The following CERCAM variants were observed in gnomAD, a reference collection of about 807,000 sequenced individuals.
CERCAM encodes inactive glycosyltransferase 25 family member 3.
CERCAM carries 59 observed loss-of-function variants against 66.0 expected under a neutral mutation model. The observed-to-expected ratio is 0.89, with a 90% CI of 0.73 to 1.11. The LOEUF is 1.11. Among genes scored for constraint, CERCAM ranks in the 50% most tolerant of loss-of-function variants. CERCAM has a pLI of 0.00. For missense variants in CERCAM, 840 were observed against 828.3 expected (o/e 1.01, Z -0.17); for synonymous variants, 318 against 343.6 (o/e 0.93, Z 0.83).
rs766748472 is a variant in CERCAM at position 128,428,843 on chromosome 9, C to G, written c.963+10C>G. 1.9e-6 allele frequency: 3 copies of G among 1,613,770 alleles called. No homozygotes were observed. Among genetic ancestry groups the G allele is most frequent in the Admixed American group, 1.7e-5 (1 of 59,984 alleles). ...GATAGGGTTTGACGAGGTAAGTCCC[C>G]CAGCCTGTGGGCTCGCTGTTAGGAG... On this transcript the variant is annotated intron_variant, in intron 7 of 12. Transcript: ENST00000372838.
At position 128,424,261 on chromosome 9, in the gene CERCAM, AT is replaced by A; in HGVS notation, c.551del (p.Ile184ThrfsTer87). ...CTACTACTCCAACTTCTGGTGTGGG[AT>A]CACCCCCCAGGTGAGGCCGGGATGG... ...QTYYSNFWCGITPQGYYRRTA... is the reference protein window; with the variant it reads ...QTYYSNFWCGXTPQGYYRRTA... On this transcript the variant is annotated frameshift_variant, in exon 4 of 13. Coordinates refer to ENST00000372838, the MANE Select transcript of CERCAM (RefSeq NM_016174.5). LOFTEE classifies it high-confidence loss of function. 6.2e-7 allele frequency: 1 copy of A among 1,613,956 alleles called. No individual in the cohort carries two copies. The highest frequency in any genetic ancestry group is 2.2e-5 in the East Asian group (1 of 44,862).
Position 128,422,972 on chromosome 9 carries a change from A to G in CERCAM, c.302A>G (p.Glu101Gly). The G allele has an allele frequency of 6.2e-7, 1 of 1,613,702 alleles. No individual in the cohort carries two copies. The highest frequency in any genetic ancestry group is 8.5e-7 in the Non-Finnish European group (1 of 1,180,006). The change falls in exon 2 of 13, where the codon GAG becomes GGG. Residue 101 changes from glutamate to glycine, a missense_variant. By Grantham distance (98) the Glu-to-Gly change is moderately conservative. Transcript: ENST00000372838. ...YAAVVWRPEG[E>G]PRFYPDEEGP... ...GCTGTGGTCTGGAGGCCTGAGGGCGAGCCCAGGTGGTGATCTGAGGGGAAG... is the reference window on the plus strand; with the variant it reads ...GCTGTGGTCTGGAGGCCTGAGGGCGGGCCCAGGTGGTGATCTGAGGGGAAG...
At chr9:128,430,277 C>T (rs778183878) in intron 8 of CERCAM, among the ~76,000 whole-genome samples, 7 of 152,140 alleles carry the variant, frequency 4.6e-5, no homozygotes, top group Non-Finnish European at 7.3e-5. Flanking sequence ...TAGTGGGTGC[C>T]TGTAATCTCA....
In CERCAM at chr9:128,434,117, C is replaced by A; in HGVS notation, c.1219C>A (p.Leu407Met). The change falls in exon 10 of 13, where the codon CTG (leucine) becomes ATG (methionine). Residue 407 changes from leucine (L) to methionine (M), a missense_variant. Physicochemically the swap from Leu to Met is conservative, Grantham distance 15. Transcript: ENST00000372838. The surrounding 1 kb of genome is among the most constrained non-coding windows in gnomAD (Gnocchi z 4.5). ...TATGCCACAGGTGGTTGCCAGGGGC[C>A]TGGCCCGGGTCCTGGTGTTTGAGGA... ...SIWEEVVARG[L>M]ARVLVFEDDV... The A allele has an allele frequency of 6.2e-7, 1 of 1,614,138 alleles. No homozygotes were observed. The highest frequency in any genetic ancestry group is 8.5e-7 in the Non-Finnish European group (1 of 1,180,020).
chr9:128,421,152 G>A (rs1833700825), intron 1 of CERCAM, 78 bp downstream of exon 1: 24 of 1,258,494 alleles, frequency 1.9e-5, no homozygotes, highest in Non-Finnish European at 2.4e-5. Context: ...CGGCGGCCCT[G>A]TCTGCTCGCT....
chr9:128,424,336 G>A, intron 4 of CERCAM, 64 bp downstream of exon 4: 1 of 1,612,070 alleles, frequency 6.2e-7, no homozygotes, highest in Non-Finnish European at 8.5e-7. Context: ...GGAGAGCAGA[G>A]AGCCTGAGGC....
At chr9:128,428,489 C>CAGGG in intron 6 of CERCAM, 68 bp downstream of exon 6, 1 of 1,583,782 alleles carries the variant, frequency 6.3e-7, no homozygotes, top group Non-Finnish European at 8.6e-7. Context: ...GTGCCCCTTT[C>CAGGG]CCTAGGCCCT....
chr9:128,425,049 TTTGTTG>T (rs767922006), intron 5 of CERCAM, among the ~76,000 whole-genome samples: 2 of 141,704 alleles, frequency 1.4e-5, no homozygotes, highest in Non-Finnish European at 3.1e-5. Context: ...TGAAAGGTTT[TTTGTTG>T]TTGTTGTTGT....
chr9:128,429,039 G>A lies in CERCAM; in HGVS notation c.1070+3G>A, dbSNP rs574117288. On this transcript the variant is annotated splice_donor_region_variant and intron_variant, in intron 8 of 12. Coordinates refer to ENST00000372838, the MANE Select transcript of CERCAM (RefSeq NM_016174.5). Reference sequence around the variant, plus strand: ...GTGGTGGACGCTGTGGATGGCTGGTGAGCCTGCCTGGTGGGGGGGGCCCTG... The same window carrying A: ...GTGGTGGACGCTGTGGATGGCTGGTAAGCCTGCCTGGTGGGGGGGGCCCTG... 1.2e-4 allele frequency: 184 copies of A among 1,593,704 alleles called. 5 individuals carry two copies. In the South Asian group the frequency reaches 2.0e-3, roughly 18 times the overall value.
At chr9:128,425,711 G>A (rs1479189050) in intron 5 of CERCAM, among the ~76,000 whole-genome samples, 2 of 151,010 alleles carry the variant, frequency 1.3e-5, no homozygotes, top group African/African-American at 2.4e-5. Flanking sequence ...GGGTTTCTCC[G>A]TGTTGGTCAG....
At chr9:128,423,944 C>G in intron 3 of CERCAM, 194 bp from the exon 4 acceptor site, 1 of 631,836 alleles carries the variant, frequency 1.6e-6, no homozygotes, top group Admixed American at 2.9e-5. Context: ...AATCTCTGGA[C>G]CCAGTCCCTG....
At position 128,420,889 on chromosome 9, in the gene CERCAM, CCGCGCCGCGCCGCTGCT is replaced by C; in HGVS notation, c.14_30del (p.Arg5ProfsTer80). The stretch of plus-strand genomic sequence containing the variant: ...CCCAAGCGCCCGCCATGCGCGCTGC[CCGCGCCGCGCCGCTGCT>C]CCAGCTGCTGCTCCTGCTGGGGCCG... On this transcript the variant is annotated frameshift_variant, in exon 1 of 13. Transcript: ENST00000372838. LOFTEE classifies it high-confidence loss of function. This position sits in a 1 kb window ranked among gnomAD's most constrained non-coding sequence, Gnocchi z 5.0. The C allele has an allele frequency of 7.7e-7, 1 of 1,306,312 alleles. No individual in the cohort carries two copies. Among genetic ancestry groups the C allele is most frequent in the Non-Finnish European group, 9.7e-7 (1 of 1,030,014 alleles). 80.9% of individuals were successfully genotyped at this position (1,306,312 alleles called of 1,614,324 possible).
chr9:128,420,955 G>A lies in CERCAM; in HGVS notation c.78G>A (p.Ala26=). 2.1e-6 allele frequency: 3 copies of A among 1,462,150 alleles called. No individual in the cohort carries two copies. Among genetic ancestry groups the A allele is most frequent in the South Asian group, 2.6e-5 (2 of 75,964 alleles). 90.6% of individuals were successfully genotyped at this position (1,462,150 alleles called of 1,614,324 possible). ...CGTGGCTGGAGGCTGCGGGCGTTGCGGAGTCGCCGCTGCCCGCCGTGGTCC... is the reference window on the plus strand; with the variant it reads ...CGTGGCTGGAGGCTGCGGGCGTTGCAGAGTCGCCGCTGCCCGCCGTGGTCC... ...LGPWLEAAGV[A]ESPLPAVVLA... Residue 26 remains alanine, a synonymous_variant, in exon 1 of 13, where the codon GCG becomes GCA. Coordinates refer to ENST00000372838, the MANE Select transcript of CERCAM (RefSeq NM_016174.5). This position sits in a 1 kb window ranked among gnomAD's most constrained non-coding sequence, Gnocchi z 5.0.
At chr9:128,424,865 G>A (rs1833805347) in intron 5 of CERCAM, among the ~76,000 whole-genome samples, 1 of 150,770 alleles carries the variant, frequency 6.6e-6, no homozygotes, top group South Asian at 2.1e-4. Flanking sequence ...GGGATTACAG[G>A]CACCCGCCAC....
chr9:128,428,714 G>A (rs747718304), intron 6 of CERCAM, 43 bp from the exon 7 acceptor site: 4 of 1,600,030 alleles, frequency 2.5e-6, no homozygotes, highest in Non-Finnish European at 2.6e-6. Flanking sequence ...CTGCTAACAG[G>A]AGTCAGTAGG....
chr9:128,423,255 T>C lies in CERCAM; in HGVS notation c.418T>C (p.Tyr140His), dbSNP rs1375399962. 4 of 1,613,088 alleles carry C rather than the reference T, an allele frequency of 2.5e-6. No homozygotes were observed. The South Asian group carries it at 4.4e-5, about 18-fold the overall frequency. ...CTTTGCCAGGAACTGGGGGGCCGACTATATCCTGGTGAGGAAGTCTGGCTA... is the reference window on the plus strand; with the variant it reads ...CTTTGCCAGGAACTGGGGGGCCGACCATATCCTGGTGAGGAAGTCTGGCTA... Reference protein sequence around the residue: ...LTFARNWGADYILFADTDNIL... With the variant: ...LTFARNWGADHILFADTDNIL... Residue 140 changes from tyrosine to histidine, a missense_variant, in exon 3 of 13, where the codon TAT becomes CAT. Physicochemically the swap from Tyr to His is moderately conservative, Grantham distance 83. Transcript: ENST00000372838.
In CERCAM at chr9:128,425,318, G is replaced by A. The variant is rs972397156; in HGVS notation, c.766+704G>A. ...GATCTGCCCGCCTCGGCCTCCCAAA[G>A]TGCTGGGATTACAGGCGTGAGCCAC... On this transcript the variant is annotated intron_variant, in intron 5 of 12. Transcript: ENST00000372838. Among the ~76,000 whole-genome samples the A allele has an allele frequency of 5.2e-4, 79 of 151,982 alleles. 1 individual carries two copies. Among genetic ancestry groups the A allele is most frequent in the Admixed American group, 3.2e-3 (49 of 15,254 alleles).
chr9:128,426,542 C>T (rs763752006), intron 5 of CERCAM, among the ~76,000 whole-genome samples: 54 of 151,614 alleles, frequency 3.6e-4, no homozygotes, highest in Non-Finnish European at 6.5e-4. Context: ...ATGGTGTGAA[C>T]GCAGGAGGCA....
rs577697806 is a variant in CERCAM, at chr9:128,421,221, A to G, written c.197+147A>G. The G allele has an allele frequency of 5.8e-4, 720 of 1,236,216 alleles. 3 individuals are homozygous for G. In the African/African-American group the frequency reaches 0.011, roughly 18 times the overall value. 76.6% of individuals were successfully genotyped at this position (1,236,216 alleles called of 1,614,324 possible). On this transcript the variant is annotated intron_variant, in intron 1 of 12. Coordinates refer to ENST00000372838, the MANE Select transcript of CERCAM (RefSeq NM_016174.5). ...CCTCACAGACGGCCCTGCCAGCCCGAGCCGCCAGAGAGGACCCCGAGCCCC... is the reference window on the plus strand; with the variant it reads ...CCTCACAGACGGCCCTGCCAGCCCGGGCCGCCAGAGAGGACCCCGAGCCCC...
Sources: allele counts gnomAD v4.1 joint callset (sites outside exome capture counted in the v4.1 genomes callset), GRCh38; gene constraint gnomAD v4.1.1; non-coding constraint Gnocchi (gnomAD v3.1); transcripts MANE v1.5; gene names NCBI Gene and HGNC (gene_info 2026-07-23, HGNC 2026-07-21).